USH2A: variants seen among roughly 807,000 people sequenced by gnomAD.
USH2A encodes usherin.
In USH2A, 443 loss-of-function variants were observed where a neutral mutation model predicts 538.9. The observed-to-expected ratio is 0.82, with a 90% CI of 0.76 to 0.89. The LOEUF (loss-of-function observed/expected upper bound fraction) is 0.89. USH2A is among the 40% of genes least tolerant of loss of function. The pLI, the probability that USH2A is intolerant of heterozygous loss-of-function variation, is 0.00. For missense variants in USH2A, 6,633 were observed against 6,324.8 expected (o/e 1.05, Z -1.65); for synonymous variants, 2,413 against 2,273.5 (o/e 1.06, Z -1.75).
chr1:215,813,054 G>A (rs1414521939), intron 49 of USH2A, among the ~76,000 whole-genome samples: 1 of 152,144 alleles, frequency 6.6e-6, no homozygotes, highest in Non-Finnish European at 1.5e-5. Context: ...GGTATCCCAT[G>A]TAAAGTCTTC....
intron 32 of USH2A, among the ~76,000 whole-genome samples, chr1:216,005,493 A>C (rs1169252404): frequency 6.6e-6 from 1 of 152,182 alleles, no homozygotes; most frequent in Non-Finnish European, 1.5e-5. Context: ...TGTGATGACT[A>C]ACTCGCATAA....
At chr1:216,134,649 T>C (rs896922753) in intron 21 of USH2A, among the ~76,000 whole-genome samples, 1 of 152,126 alleles carries the variant, frequency 6.6e-6, no homozygotes, top group Non-Finnish European at 1.5e-5. Context: ...GTGGACAAAC[T>C]TTTCATATTG....
intron 3 of USH2A, among the ~76,000 whole-genome samples, chr1:216,377,767 A>G (rs1421895541): frequency 7.4e-6 from 1 of 135,664 alleles, no homozygotes; most frequent in Admixed American, 7.7e-5. Flanking sequence ...AAGAAAGAGA[A>G]GGAAAGAAAT....
At chr1:216,167,611 G>A (rs1187996719) in intron 21 of USH2A, among the ~76,000 whole-genome samples, 2 of 152,046 alleles carry the variant, frequency 1.3e-5, no homozygotes, top group Non-Finnish European at 2.9e-5. Flanking sequence ...GAAGAATCAG[G>A]GGAGAAGGGA....
Position 216,292,714 on chromosome 1 carries a change from G to A in USH2A, c.1645-344C>T, listed in dbSNP as rs377041562. ...GTAATCATCACATCTTGGAAAATGC[G>A]ACATCTATCCCCTCAAGTGTTTAAC... is the stretch of plus-strand genomic sequence containing the variant. On this transcript the variant is annotated intron_variant, in intron 9 of 71. Coordinates refer to ENST00000307340, the MANE Select transcript of USH2A (RefSeq NM_206933.4). 9.2e-5 allele frequency among the ~76,000 whole-genome samples: 14 copies of A among 152,114 alleles called. 1 individual carries two copies. The highest frequency in any genetic ancestry group is 3.3e-4 in the Admixed American group (5 of 15,270).
intron 13 of USH2A, among the ~76,000 whole-genome samples, chr1:216,241,299 G>A (rs1469932818): frequency 6.6e-6 from 1 of 152,158 alleles, no homozygotes; most frequent in African/African-American, 2.4e-5. Flanking sequence ...TAAAGGAGTT[G>A]AAGGTGTTTT....
At chr1:216,418,906 G>C (rs2039626453) in intron 2 of USH2A, among the ~76,000 whole-genome samples, 1 of 151,996 alleles carries the variant, frequency 6.6e-6, no homozygotes, top group Admixed American at 6.6e-5. Context: ...ATATTCCCCA[G>C]AGCCTCAGCA....
chr1:216,170,561 G>T (rs1039840396), intron 21 of USH2A, among the ~76,000 whole-genome samples: 1 of 152,092 alleles, frequency 6.6e-6, no homozygotes, highest in African/African-American at 2.4e-5. Flanking sequence ...AGGGTCACCA[G>T]TAAAGGCAGT....
In USH2A at chr1:215,630,593, C is replaced by T. The variant is rs184506083; in HGVS notation, c.15298-1558G>A. ...TGAGGCCGGGTGCGGTGGCTCATGCCTGTAATCCCAGCAATTTGGGAGGCC... is the reference window on the plus strand; with the variant it reads ...TGAGGCCGGGTGCGGTGGCTCATGCTTGTAATCCCAGCAATTTGGGAGGCC... On this transcript the variant is annotated intron_variant, in intron 70 of 71. Transcript: ENST00000307340. Among the ~76,000 whole-genome samples the T allele has an allele frequency of 6.7e-3, 991 of 147,404 alleles. 13 individuals carry two copies. Among genetic ancestry groups the T allele is most frequent in the African/African-American group, 0.024 (948 of 39,714 alleles).
At chr1:216,291,786 A>T (rs1164866474) in intron 10 of USH2A, among the ~76,000 whole-genome samples, 1 of 152,222 alleles carries the variant, frequency 6.6e-6, no homozygotes, top group African/African-American at 2.4e-5. Context: ...CCATCTCCAC[A>T]TGAGAATCCA....
intron 11 of USH2A, among the ~76,000 whole-genome samples, chr1:216,278,210 C>G (rs2102590866): frequency 6.6e-6 from 1 of 152,050 alleles, no homozygotes; most frequent in African/African-American, 2.4e-5. Flanking sequence ...TATACCTGGG[C>G]CCTTGTGATG....
At chr1:216,316,054 A>AT (rs1197502898) in intron 9 of USH2A, among the ~76,000 whole-genome samples, 2 of 152,178 alleles carry the variant, frequency 1.3e-5, no homozygotes, top group East Asian at 3.8e-4. Flanking sequence ...TGAAGTATTT[A>AT]TGGTATGTAT....
At chr1:216,192,128 T>G (rs965529969) in intron 19 of USH2A, among the ~76,000 whole-genome samples, 1 of 152,030 alleles carries the variant, frequency 6.6e-6, no homozygotes, top group Admixed American at 6.6e-5. Context: ...CTACAGCAGC[T>G]TGATCCCCCA....
rs564872983 is a variant in USH2A, at chr1:216,134,542, G to C, written c.4628-37329C>G. On this transcript the variant is annotated intron_variant, in intron 21 of 71. Coordinates refer to ENST00000307340, the MANE Select transcript of USH2A (RefSeq NM_206933.4). The stretch of plus-strand genomic sequence containing the variant: ...AAACCAGTGTTTAAAGATAATATAG[G>C]GTTTGCATTTGGGTTCATATGAAAC... Among the ~76,000 whole-genome samples the C allele has an allele frequency of 3.9e-5, 6 of 152,050 alleles. No individual in the cohort carries two copies. In the East Asian group the frequency reaches 9.7e-4, roughly 25 times the overall value.
intron 32 of USH2A, among the ~76,000 whole-genome samples, chr1:216,010,833 C>T (rs534097077): frequency 1.2e-3 from 177 of 151,812 alleles, no homozygotes; most frequent in Non-Finnish European, 1.2e-3. Context: ...ATTGCTGCCC[C>T]TCTTCCCAAT....
Position 215,648,779 on chromosome 1 carries a change from G to C in USH2A, c.14344-13C>G. On this transcript the variant is annotated splice_polypyrimidine_tract_variant and intron_variant, in intron 65 of 71. Transcript: ENST00000307340. ...TGCCTTCGGATAGCTGTGGAAGGAA[G>C]GAAGGCTAGATAAAGGCAGTGTCAA... is the stretch of plus-strand genomic sequence containing the variant. 6.2e-7 allele frequency: 1 copy of C among 1,610,256 alleles called. No homozygotes were observed.
rs1662769339 is a variant in USH2A at position 215,813,728 on chromosome 1, A to T, written c.9739+8T>A. The T allele has an allele frequency of 6.2e-7, 1 of 1,613,648 alleles. No individual in the cohort carries two copies. The highest frequency in any genetic ancestry group is 1.3e-5 in the African/African-American group (1 of 74,878). ...TAGTTTTTGAGTACACCTGGAAATAACCCTCACCTGGTAGAATTCTAGCGT... is the reference window on the plus strand; with the variant it reads ...TAGTTTTTGAGTACACCTGGAAATATCCCTCACCTGGTAGAATTCTAGCGT... On this transcript the variant is annotated splice_region_variant and intron_variant, in intron 49 of 71. Transcript: ENST00000307340.
chr1:215,950,504 C>CTTTTTT (rs11326101), intron 37 of USH2A, among the ~76,000 whole-genome samples: 1 of 131,272 alleles, frequency 7.6e-6, no homozygotes, highest in Non-Finnish European at 1.6e-5. Flanking sequence ...TAATTGCTAC[C>CTTTTTT]TTTTTTTTTT....
chr1:216,002,243 G>GA (rs2102484646), intron 32 of USH2A, among the ~76,000 whole-genome samples: 1 of 152,232 alleles, frequency 6.6e-6, no homozygotes, highest in South Asian at 2.1e-4. Flanking sequence ...TTTATGCAAA[G>GA]AAAAACTCCT....
Sources: allele counts gnomAD v4.1 joint callset (sites outside exome capture counted in the v4.1 genomes callset), GRCh38; gene constraint gnomAD v4.1.1; transcripts MANE v1.5; gene names NCBI Gene and HGNC (gene_info 2026-07-23, HGNC 2026-07-21).